POFUT2: variants seen among roughly 807,000 people sequenced by gnomAD.
The protein encoded by POFUT2 is protein O-fucosyltransferase 2, also known as GDP-fucose protein O-fucosyltransferase 2.
Under a neutral mutation model 55.0 loss-of-function variants are expected in POFUT2, and 30 were observed. The observed-to-expected ratio is 0.55, with a 90% CI of 0.41 to 0.74. The LOEUF is 0.74. POFUT2 is among the 30% of genes least tolerant of loss of function. POFUT2 has a pLI of 0.00. For missense variants in POFUT2, 524 were observed against 562.6 expected (o/e 0.93, Z 0.69); for synonymous variants, 267 against 231.1 (o/e 1.16, Z -1.41).
rs1265281037 is a variant in POFUT2 at position 45,277,213 on chromosome 21, C to G, written c.706-71G>C. ...CGCAGCCCTCCCGGAGCGGGTTCTC[C>G]TGTCGCTGCCACCACCCACCCCCGC... On this transcript the variant is annotated intron_variant, in intron 5 of 8. Transcript: ENST00000349485. The surrounding 1 kb of genome is among the most constrained non-coding windows in gnomAD (Gnocchi z 6.9). The G allele has an allele frequency of 2.6e-6, 4 of 1,564,724 alleles. No homozygotes were observed. The Admixed American group carries it at 6.9e-5, about 27-fold the overall frequency.
intron 4 of POFUT2, among the ~76,000 whole-genome samples, chr21:45,280,391 C>T (rs536589739): frequency 6.6e-6 from 1 of 152,198 alleles, no homozygotes; most frequent in Non-Finnish European, 1.5e-5. Flanking sequence ...CTATCCAGTG[C>T]GTGGCTGAGG....
intron 7 of POFUT2, among the ~76,000 whole-genome samples, chr21:45,268,415 A>G (rs2093178268): frequency 6.6e-6 from 1 of 151,466 alleles, no homozygotes; most frequent in Admixed American, 6.6e-5. Context: ...CCCATCTGGG[A>G]AGTGAGGAGT....
In POFUT2 at chr21:45,284,085, G is replaced by T. The variant is rs1010645639; in HGVS notation, c.383-558C>A. Among the ~76,000 whole-genome samples the T allele has an allele frequency of 2.0e-5, 3 of 152,208 alleles. No individual in the cohort carries two copies. Among genetic ancestry groups the T allele is most frequent in the African/African-American group, 7.2e-5 (3 of 41,446 alleles). ...TGACGCCCAAGAGGTCAGCAATTAA[G>T]ATCTGCTCAAAGGCAGCAGGAATAA... On this transcript the variant is annotated intron_variant, in intron 2 of 8. Coordinates refer to ENST00000349485, the MANE Select transcript of POFUT2 (RefSeq NM_133635.6). The surrounding 1 kb of genome is among the most constrained non-coding windows in gnomAD (Gnocchi z 5.8).
chr21:45,278,502 G>A (rs753352483), intron 4 of POFUT2, among the ~76,000 whole-genome samples: 3 of 152,222 alleles, frequency 2.0e-5, no homozygotes, highest in South Asian at 2.1e-4. Context: ...AGCTGCAGGC[G>A]TGCCTGAGGA....
intron 7 of POFUT2, among the ~76,000 whole-genome samples, chr21:45,268,890 G>A (rs1341681189): frequency 1.9e-5 from 2 of 104,310 alleles, no homozygotes; most frequent in African/African-American, 3.9e-5. Flanking sequence ...GCGGCCAGCC[G>A]CCCCGTCCGG....
Position 45,267,417 on chromosome 21 carries a change from C to G in POFUT2, c.1136+173G>C. The G allele has an allele frequency of 1.2e-6, 2 of 1,608,904 alleles. No homozygotes were observed. Among genetic ancestry groups the G allele is most frequent in the South Asian group, 1.1e-5 (1 of 90,878 alleles). On this transcript the variant is annotated intron_variant, in intron 8 of 8. Coordinates refer to ENST00000349485, the MANE Select transcript of POFUT2 (RefSeq NM_133635.6). This position sits in a 1 kb window ranked among gnomAD's most constrained non-coding sequence, Gnocchi z 4.4. ...GGCAAGATGAACAATTAACTTCAGC[C>G]CAGGGAAACACTGAACCAGATGCTA... is the stretch of plus-strand genomic sequence containing the variant.
intron 1 of POFUT2, among the ~76,000 whole-genome samples, chr21:45,287,219 C>G (rs2031522995): frequency 1.5e-5 from 2 of 136,098 alleles, no homozygotes; most frequent in Admixed American, 1.4e-4. Flanking sequence ...GCCCCTGCCC[C>G]TGTCCCGTCC....
Position 45,265,299 on chromosome 21 carries a change from G to T in POFUT2, c.*183C>A. ...CGGAGCCTCTTCATCAGCCATGGCGGCTGGCAACGCCGAGGACGGAGCCCA... is the reference window on the plus strand; with the variant it reads ...CGGAGCCTCTTCATCAGCCATGGCGTCTGGCAACGCCGAGGACGGAGCCCA... On this transcript the variant is annotated 3_prime_UTR_variant, in exon 9 of 9. Transcript: ENST00000349485. The surrounding 1 kb of genome is among the most constrained non-coding windows in gnomAD (Gnocchi z 4.6). 2.2e-6 allele frequency: 1 copy of T among 455,930 alleles called. No individual in the cohort carries two copies. Among genetic ancestry groups the T allele is most frequent in the South Asian group, 5.5e-5 (1 of 18,164 alleles). The allele number at this position is 455,930 out of a possible 1,614,324, so 28.2% of individuals were successfully genotyped here.
intron 6 of POFUT2, among the ~76,000 whole-genome samples, chr21:45,276,193 CG>C (rs1569224174): frequency 2.8e-5 from 4 of 144,710 alleles, no homozygotes; most frequent in African/African-American, 1.0e-4. Flanking sequence ...TGTCTCAAAA[CG>C]AAAACAAAAA....
intron 3 of POFUT2, 68 bp downstream of exon 3, chr21:45,283,308 CGGGGGGG>C: frequency 2.3e-6 from 1 of 442,168 alleles, no homozygotes; most frequent in Non-Finnish European, 3.3e-6. Context: ...GCGCCTGAGG[CGGGGGGG>C]GGGGGACGCA....
intron 3 of POFUT2, among the ~76,000 whole-genome samples, chr21:45,283,126 G>A (rs575803146): frequency 1.4e-3 from 209 of 151,466 alleles, no homozygotes; most frequent in Middle Eastern, 6.8e-3. Flanking sequence ...AGGATGCCCA[G>A]GAGGGGACGC....
chr21:45,287,087 C>T (rs981620469), intron 1 of POFUT2, among the ~76,000 whole-genome samples: 1 of 151,926 alleles, frequency 6.6e-6, no homozygotes, highest in Admixed American at 6.6e-5. Flanking sequence ...GACGACCCCG[C>T]CTGCAGACCC....
chr21:45,287,354 C>T (rs1160471136), intron 1 of POFUT2, among the ~76,000 whole-genome samples: 55 of 59,672 alleles, frequency 9.2e-4, no homozygotes, highest in African/African-American at 3.9e-3. Context: ...CATCCCATCC[C>T]ATCACCCTGG....
chr21:45,286,749 G>C lies in POFUT2; in HGVS notation c.132-821C>G, dbSNP rs1006173785. On this transcript the variant is annotated intron_variant, in intron 1 of 8. Transcript: ENST00000349485. ...CTGTCCCTGGCGCTCTCCTTTCCCT[G>C]CTCTGCGCTGGTTTTCCATACTCCC... is the stretch of plus-strand genomic sequence containing the variant. Among the ~76,000 whole-genome samples, 8 of 151,922 alleles carry C rather than the reference G, an allele frequency of 5.3e-5. 1 individual carries two copies. The highest frequency in any genetic ancestry group is 6.8e-3 in the Middle Eastern group (2 of 294).
Position 45,285,548 on chromosome 21 carries a change from C to CA in POFUT2, c.382+129dup. 1 of 1,098,512 alleles carries CA rather than the reference C, an allele frequency of 9.1e-7. No individual in the cohort carries two copies. 68.0% of individuals were successfully genotyped at this position (1,098,512 alleles called of 1,614,324 possible). A position where few individuals can be genotyped will look rare whatever the true frequency, so the allele number is the denominator to read the frequency against. On this transcript the variant is annotated intron_variant, in intron 2 of 8. Transcript: ENST00000349485. This position sits in a 1 kb window ranked among gnomAD's most constrained non-coding sequence, Gnocchi z 4.9. ...AGGTGCTGCCACAGGCCTCAGGCAG[C>CA]AGCACTGGGCACTGGAGGATGCTGG...
intron 1 of POFUT2, 25 bp downstream of exon 1, chr21:45,287,716 G>T: frequency 8.6e-7 from 1 of 1,168,736 alleles, no homozygotes; most frequent in Non-Finnish European, 1.1e-6. Context: ...GAACCCCAGC[G>T]TTGGCACCGT....
Position 45,277,986 on chromosome 21 carries a change from A to T in POFUT2, c.705+117T>A, listed in dbSNP as rs562499313. 107 of 910,564 alleles carry T rather than the reference A, an allele frequency of 1.2e-4. No individual in the cohort carries two copies. Among genetic ancestry groups the T allele is most frequent in the Non-Finnish European group, 1.9e-4 (104 of 552,724 alleles). The allele number at this position is 910,564 out of a possible 1,614,324, so 56.4% of individuals were successfully genotyped here. The stretch of plus-strand genomic sequence containing the variant: ...GCAGTTGCCCAAATCCATGGCTTAA[A>T]ATGATGGTTTTAATCAGCAAGGTTC... On this transcript the variant is annotated intron_variant, in intron 5 of 8. Transcript: ENST00000349485. The surrounding 1 kb of genome is among the most constrained non-coding windows in gnomAD (Gnocchi z 6.9).
intron 5 of POFUT2, 68 bp downstream of exon 5, chr21:45,278,035 A>C: frequency 8.0e-7 from 1 of 1,252,926 alleles, no homozygotes; most frequent in Non-Finnish European, 1.2e-6. Context: ...GACTGTTTTA[A>C]ATTTTCAAAA....
At position 45,265,831 on chromosome 21, in the gene POFUT2, C is replaced by T. The variant is rs1046279185; in HGVS notation, c.1137-196G>A. On this transcript the variant is annotated intron_variant, in intron 8 of 8. Coordinates refer to ENST00000349485, the MANE Select transcript of POFUT2 (RefSeq NM_133635.6). The surrounding 1 kb of genome is among the most constrained non-coding windows in gnomAD (Gnocchi z 4.6). ...CTCGCTCAGGTGCCCTCGACATCGGCGCCCTGAGGGGCTCTGCCTGGTGCT... is the reference window on the plus strand; with the variant it reads ...CTCGCTCAGGTGCCCTCGACATCGGTGCCCTGAGGGGCTCTGCCTGGTGCT... 11 of 1,400,612 alleles carry T rather than the reference C, an allele frequency of 7.9e-6. No homozygotes were observed. The highest frequency in any genetic ancestry group is 2.9e-5 in the African/African-American group (2 of 68,860). 86.8% of individuals were successfully genotyped at this position (1,400,612 alleles called of 1,614,324 possible).
Sources: gnomAD v4.1 joint callset for allele counts (sites outside exome capture counted in the v4.1 genomes callset) on GRCh38, gnomAD v4.1.1 for gene constraint, Gnocchi (gnomAD v3.1) non-coding constraint, MANE v1.5 for transcripts, NCBI Gene and HGNC (gene_info 2026-07-23, HGNC 2026-07-21) for gene names.